Variants in FSD1L observed in about 807,000 individuals in gnomAD.
FSD1L encodes fibronectin type III and SPRY domain containing 1 like.
Under a neutral mutation model 71.6 loss-of-function variants are expected in FSD1L, and 45 were observed. That is an observed-to-expected ratio of 0.63 (90% confidence interval 0.49 to 0.81). The LOEUF is 0.81. FSD1L is among the 30% of genes least tolerant of loss of function. The probability of loss-of-function intolerance (pLI) is 0.00; values close to 1 mark genes in which losing one functional copy is unlikely to be tolerated. For synonymous variants in FSD1L, 197 were observed against 207.2 expected, an observed-to-expected ratio of 0.95 and a Z score of 0.42; for missense variants, 561 against 618.1, an observed-to-expected ratio of 0.91 and a Z score of 0.98.
At chr9:105,484,602 A>G in intron 7 of FSD1L, 100 bp downstream of exon 7, 1 of 698,760 alleles carries the variant, frequency 1.4e-6, no homozygotes, top group Admixed American at 4.3e-5. Context: ...AAGGAAGTAT[A>G]GTGTGATTTT....
intron 7 of FSD1L, among the ~76,000 whole-genome samples, chr9:105,488,057 G>C (rs931350430): frequency 1.3e-5 from 2 of 152,036 alleles, no homozygotes; most frequent in Non-Finnish European, 2.9e-5. Context: ...GTTTACATTG[G>C]GGGTTCCCTC....
At chr9:105,527,908 C>T (rs1835625563) in intron 10 of FSD1L, among the ~76,000 whole-genome samples, 1 of 152,058 alleles carries the variant, frequency 6.6e-6, no homozygotes, top group Admixed American at 6.6e-5. Context: ...ATCTTTTCAG[C>T]CCAAAATCTC....
In FSD1L at chr9:105,550,084, G is replaced by A. The variant is rs1837207054; in HGVS notation, c.*3601G>A. ...CAAATATTTGAGTGTTTGTGATATG[G>A]CAGTAAAAATGTGATTACTTTGTAT... On this transcript the variant is annotated 3_prime_UTR_variant, in exon 14 of 14. Transcript: ENST00000481272. 1 of 151,898 alleles carries A rather than the reference G, an allele frequency of 6.6e-6. No homozygotes were observed. The highest frequency in any genetic ancestry group is 2.4e-5 in the African/African-American group (1 of 41,396). 9.4% of individuals were successfully genotyped at this position (151,898 alleles called of 1,614,324 possible).
intron 3 of FSD1L, among the ~76,000 whole-genome samples, chr9:105,465,545 A>G (rs1370155346): frequency 6.6e-6 from 1 of 152,228 alleles, no homozygotes; most frequent in Non-Finnish European, 1.5e-5. Flanking sequence ...GCACATTAAA[A>G]AGATCATTTA....
In FSD1L at chr9:105,549,683, A is replaced by C. The variant is rs1837190211; in HGVS notation, c.*3200A>C. ...ACTTATTTATGAAATTAAAGCATGA[A>C]TAATATGTATAATTTGAATTTTTTG... On this transcript the variant is annotated 3_prime_UTR_variant, in exon 14 of 14. Coordinates refer to ENST00000481272, the MANE Select transcript of FSD1L (RefSeq NM_001145313.3). 2.0e-5 allele frequency: 3 copies of C among 152,044 alleles called. No individual in the cohort carries two copies. In the South Asian group the frequency reaches 6.2e-4, roughly 31 times the overall value. The allele number at this position is 152,044 out of a possible 1,614,324, so 9.4% of individuals were successfully genotyped here.
chr9:105,461,925 T>G (rs2131603932), intron 2 of FSD1L, among the ~76,000 whole-genome samples: 1 of 150,032 alleles, frequency 6.7e-6, no homozygotes, highest in Non-Finnish European at 1.5e-5. Context: ...TACGATTGTG[T>G]CACTGCACTC....
At chr9:105,518,122 A>G (rs951378349) in intron 10 of FSD1L, among the ~76,000 whole-genome samples, 2 of 152,250 alleles carry the variant, frequency 1.3e-5, no homozygotes, top group South Asian at 2.1e-4. Context: ...TATCCTAAAT[A>G]TATATGCACC....
intron 7 of FSD1L, among the ~76,000 whole-genome samples, chr9:105,503,001 C>T (rs1309640952): frequency 6.6e-6 from 1 of 151,242 alleles, no homozygotes. Flanking sequence ...CCTCAGCCTC[C>T]TGAGTAGCTG....
At chr9:105,493,550 TA>T (rs1371253057) in intron 7 of FSD1L, among the ~76,000 whole-genome samples, 4 of 152,220 alleles carry the variant, frequency 2.6e-5, no homozygotes, top group Non-Finnish European at 5.9e-5. Context: ...ATTATGATGT[TA>T]GCTGGTGATT....
intron 7 of FSD1L, among the ~76,000 whole-genome samples, chr9:105,485,558 C>G (rs1832491745): frequency 4.5e-5 from 2 of 44,032 alleles, no homozygotes; most frequent in South Asian, 1.3e-3. Context: ...TTTTTTTTTG[C>G]ATCATGTTGC....
intron 1 of FSD1L, among the ~76,000 whole-genome samples, chr9:105,452,601 C>T (rs1219564072): frequency 6.6e-6 from 1 of 151,616 alleles, no homozygotes; most frequent in East Asian, 1.9e-4. Context: ...GGGTTCCCTC[C>T]CTCCCTCCCT....
At chr9:105,509,730 A>G (rs1834287588) in intron 9 of FSD1L, among the ~76,000 whole-genome samples, 1 of 152,242 alleles carries the variant, frequency 6.6e-6, no homozygotes, top group African/African-American at 2.4e-5. Context: ...AATAAAGTCT[A>G]TCTTGAAGTA....
chr9:105,538,799 T>C (rs187309189), intron 12 of FSD1L, among the ~76,000 whole-genome samples: 1 of 152,092 alleles, frequency 6.6e-6, no homozygotes, highest in East Asian at 1.9e-4. Flanking sequence ...ATTGAAGCAG[T>C]GATAGATATA....
chr9:105,541,314 C>G (rs1297669273), intron 13 of FSD1L, among the ~76,000 whole-genome samples: 2 of 141,144 alleles, frequency 1.4e-5, no homozygotes, highest in Non-Finnish European at 3.1e-5. Context: ...TAACTTTGTA[C>G]AAACCTCTGC....
intron 5 of FSD1L, among the ~76,000 whole-genome samples, chr9:105,478,965 TG>T (rs1831994312): frequency 6.6e-6 from 1 of 152,208 alleles, no homozygotes; most frequent in Non-Finnish European, 1.5e-5. Flanking sequence ...AAATTTGACA[TG>T]TACAAGAAAA....
intron 7 of FSD1L, among the ~76,000 whole-genome samples, chr9:105,493,899 G>T (rs1205375917): frequency 6.6e-6 from 1 of 152,168 alleles, no homozygotes; most frequent in African/African-American, 2.4e-5. Flanking sequence ...TCCCTTTGTG[G>T]ATAACCCGAC....
chr9:105,528,196 G>A (rs1362074177), intron 10 of FSD1L, among the ~76,000 whole-genome samples: 6 of 152,116 alleles, frequency 3.9e-5, no homozygotes, highest in African/African-American at 4.8e-5. Flanking sequence ...AATCAATATC[G>A]TGAAAATGGC....
At chr9:105,541,519 T>C (rs1836615065) in intron 13 of FSD1L, among the ~76,000 whole-genome samples, 1 of 149,412 alleles carries the variant, frequency 6.7e-6, no homozygotes, top group South Asian at 2.1e-4. Context: ...ACTCTAATTA[T>C]ATTAGTATAT....
intron 4 of FSD1L, among the ~76,000 whole-genome samples, chr9:105,470,909 GA>G (rs1365112341): frequency 6.6e-6 from 1 of 152,220 alleles, no homozygotes; most frequent in African/African-American, 2.4e-5. Context: ...AGATCCAACT[GA>G]AAACTCATCC....
Sources: allele counts gnomAD v4.1 joint callset (sites outside exome capture counted in the v4.1 genomes callset), GRCh38; gene constraint gnomAD v4.1.1; transcripts MANE v1.5; gene names NCBI Gene and HGNC (gene_info 2026-07-23, HGNC 2026-07-21).